PLPP3: variants seen among roughly 807,000 people sequenced by gnomAD.
PLPP3 encodes phospholipid phosphatase 3.
A neutral mutation model predicts 29.6 loss-of-function variants in PLPP3; 6 were observed. The observed-to-expected ratio is 0.20, with a 90% confidence interval of 0.11 to 0.40. The LOEUF is 0.40. PLPP3 is among the 10% of genes least tolerant of loss of function. PLPP3 has a pLI of 1.00. For synonymous variants in PLPP3, 152 were observed against 159.7 expected (o/e 0.95, Z 0.36); for missense variants, 308 against 407.7 (o/e 0.76, Z 2.11).
At chr1:56,562,944 T>C (rs888676746) in intron 1 of PLPP3, among the ~76,000 whole-genome samples, 2 of 152,208 alleles carry the variant, frequency 1.3e-5, no homozygotes, top group Non-Finnish European at 2.9e-5. Context: ...CATGTGCTTA[T>C]CTGTCATTTT....
intron 1 of PLPP3, among the ~76,000 whole-genome samples, chr1:56,551,384 C>T (rs56152906): frequency 1.3e-5 from 2 of 151,088 alleles, no homozygotes; most frequent in Admixed American, 6.6e-5. Flanking sequence ...CTGCCAAGTC[C>T]TGGCAGTGTG....
At chr1:56,555,300 C>T (rs180980382) in intron 1 of PLPP3, among the ~76,000 whole-genome samples, 6 of 151,610 alleles carry the variant, frequency 4.0e-5, no homozygotes, top group East Asian at 1.9e-4. Flanking sequence ...ACATGGACAC[C>T]GTAAGGACCA....
rs573673447 is a variant in PLPP3, at chr1:56,495,152, T to C, written c.*1399A>G. On this transcript the variant is annotated 3_prime_UTR_variant, in exon 6 of 6. Transcript: ENST00000371250. ...ACATTATTTATATAATATTTATATA[T>C]AAAAATCATAGCTTGCTATAAGTTG... 3.3e-5 allele frequency: 5 copies of C among 152,368 alleles called. No homozygotes were observed. Among genetic ancestry groups the C allele is most frequent in the Admixed American group, 2.6e-4 (4 of 15,266 alleles). 9.4% of individuals were successfully genotyped at this position (152,368 alleles called of 1,614,324 possible). A position where few individuals can be genotyped will look rare whatever the true frequency, so the allele number is the denominator to read the frequency against.
chr1:56,497,601 T>G (rs1645638862), intron 5 of PLPP3, among the ~76,000 whole-genome samples: 3 of 152,210 alleles, frequency 2.0e-5, no homozygotes, highest in African/African-American at 7.2e-5. Context: ...AAATAGCGAC[T>G]AAAACACTAT....
intron 1 of PLPP3, among the ~76,000 whole-genome samples, chr1:56,554,962 A>G (rs1317312041): frequency 6.6e-6 from 1 of 152,144 alleles, no homozygotes; most frequent in African/African-American, 2.4e-5. Context: ...TTCCCAATAA[A>G]TATTTATGAA....
chr1:56,525,719 C>T (rs142431284), intron 2 of PLPP3, among the ~76,000 whole-genome samples: 144 of 152,140 alleles, frequency 9.5e-4, no homozygotes, highest in African/African-American at 3.3e-3. Flanking sequence ...CACAAAAGTC[C>T]CTTCACACTT....
At chr1:56,559,741 G>T (rs1646108686) in intron 1 of PLPP3, among the ~76,000 whole-genome samples, 1 of 152,116 alleles carries the variant, frequency 6.6e-6, no homozygotes, top group South Asian at 2.1e-4. Context: ...CCTGCACAAG[G>T]TAAGAGTTTT....
intron 2 of PLPP3, among the ~76,000 whole-genome samples, chr1:56,528,875 T>C (rs1557504453): frequency 6.7e-6 from 1 of 149,842 alleles, no homozygotes; most frequent in African/African-American, 2.5e-5. Flanking sequence ...AAGCAAAGTC[T>C]AAACCCAAAG....
At chr1:56,573,148 A>G (rs1260181775) in intron 1 of PLPP3, among the ~76,000 whole-genome samples, 2 of 152,214 alleles carry the variant, frequency 1.3e-5, no homozygotes, top group African/African-American at 2.4e-5. Context: ...AAATATTTAA[A>G]ATTAACACCT....
intron 5 of PLPP3, among the ~76,000 whole-genome samples, chr1:56,501,665 T>G (rs567414126): frequency 1.3e-5 from 2 of 152,246 alleles, no homozygotes; most frequent in African/African-American, 4.8e-5. Flanking sequence ...CCAAGCACTG[T>G]GGACAATGTA....
chr1:56,573,488 G>GAT (rs147265270), intron 1 of PLPP3, among the ~76,000 whole-genome samples: 5,720 of 152,228 alleles, frequency 0.038, 380 homozygotes, highest in African/African-American at 0.13. Context: ...TTGCCCTTAA[G>GAT]ATATCAGCTG....
intron 4 of PLPP3, among the ~76,000 whole-genome samples, chr1:56,522,848 G>C (rs759932687): frequency 2.0e-4 from 30 of 152,184 alleles, no homozygotes; most frequent in Non-Finnish European, 3.5e-4. Context: ...GCTGAAAGCA[G>C]GAAGTGCCTT....
chr1:56,539,621 A>G lies in PLPP3; in HGVS notation c.140-2509T>C, dbSNP rs79382259. Among the ~76,000 whole-genome samples the G allele has an allele frequency of 5.7e-4, 87 of 152,332 alleles. No individual in the cohort carries two copies. In the East Asian group the frequency reaches 0.017, roughly 29 times the overall value. On this transcript the variant is annotated intron_variant, in intron 1 of 5. Coordinates refer to ENST00000371250, the MANE Select transcript of PLPP3 (RefSeq NM_003713.5). Reference sequence around the variant, plus strand: ...AAACACAGAGGGGCCATGACAGGCAATAGCCATTAGGTTTTAAAACTTTGT... The same window carrying G: ...AAACACAGAGGGGCCATGACAGGCAGTAGCCATTAGGTTTTAAAACTTTGT...
At chr1:56,552,238 A>G (rs1029764647) in intron 1 of PLPP3, among the ~76,000 whole-genome samples, 4 of 150,874 alleles carry the variant, frequency 2.7e-5, no homozygotes, top group African/African-American at 2.5e-5. Flanking sequence ...AAAAAAAAAA[A>G]AAGAAAGAAG....
At chr1:56,533,162 C>A (rs1645901938) in intron 2 of PLPP3, among the ~76,000 whole-genome samples, 1 of 151,736 alleles carries the variant, frequency 6.6e-6, no homozygotes, top group African/African-American at 2.4e-5. Context: ...TCAAGCGATT[C>A]TCCTGCCTCA....
In PLPP3 at chr1:56,499,259, GA is replaced by G. The variant is rs1336840310; in HGVS notation, c.811-2584del. ...ATAACTTGAGAAGATCTAAACCTGTGACTGTTACATAGTTCAATAGAAGGCA... is the reference window on the plus strand; with the variant it reads ...ATAACTTGAGAAGATCTAAACCTGTGCTGTTACATAGTTCAATAGAAGGCA... On this transcript the variant is annotated intron_variant, in intron 5 of 5. Coordinates refer to ENST00000371250, the MANE Select transcript of PLPP3 (RefSeq NM_003713.5). 1.2e-4 allele frequency among the ~76,000 whole-genome samples: 18 copies of G among 152,254 alleles called. No individual in the cohort carries two copies. The East Asian group carries it at 3.3e-3, about 28-fold the overall frequency.
At chr1:56,520,543 T>A (rs192338605) in intron 4 of PLPP3, among the ~76,000 whole-genome samples, 282 of 152,092 alleles carry the variant, frequency 1.9e-3, no homozygotes, top group African/African-American at 6.6e-3. Context: ...TGGGCCGAAA[T>A]TGTGTCCTTT....
At chr1:56,537,231 A>G (rs1645934120) in intron 1 of PLPP3, 119 bp from the exon 2 acceptor site, 3 of 1,138,166 alleles carry the variant, frequency 2.6e-6, no homozygotes, top group Non-Finnish European at 3.7e-6. Context: ...TGAGAGTGAT[A>G]ATCGTTCCTT....
chr1:56,579,018 G>T lies in PLPP3; in HGVS notation c.-2C>A. On this transcript the variant is annotated 5_prime_UTR_variant, in exon 1 of 6. Coordinates refer to ENST00000371250, the MANE Select transcript of PLPP3 (RefSeq NM_003713.5). ...TTTGTCGTACTTGTAGTTTTGCATG[G>T]CGCTGGCTGCGGCGCGAGCCTCCCG... 1.3e-6 allele frequency: 2 copies of T among 1,589,876 alleles called. No homozygotes were observed.
Sources: gnomAD v4.1 joint callset for allele counts (sites outside exome capture counted in the v4.1 genomes callset) on GRCh38, gnomAD v4.1.1 for gene constraint, MANE v1.5 for transcripts, NCBI Gene and HGNC (gene_info 2026-07-23, HGNC 2026-07-21) for gene names.